Variants in TRPM2 observed in about 807,000 individuals in gnomAD.
TRPM2 encodes the protein estrogen-responsive element-associated gene 1 protein.
In TRPM2, 161 loss-of-function variants were observed where a neutral mutation model predicts 174.0. The ratio of observed to expected loss-of-function variants is 0.93; its 90% confidence interval spans 0.81 to 1.05. The LOEUF (loss-of-function observed/expected upper bound fraction) is 1.05. Ranked by LOEUF, TRPM2 falls within the 50% of genes least tolerant of loss-of-function variation. The pLI is 0.00. For missense variants in TRPM2, 2,057 were observed against 2,038.0 expected (o/e 1.01, Z -0.18); for synonymous variants, 954 against 861.3 (o/e 1.11, Z -1.88).
chr21:44,427,059 A>T lies in TRPM2; in HGVS notation c.3922A>T (p.Arg1308Trp). ...TIQYNVVDGL[R>W]DRRSFHGPYT... ...CCAGTACAACGTGGTGGATGGCCTG[A>T]GGGACCGCCGGAGCTTCCACGGGCC... Residue 1308 changes from arginine to tryptophan, a missense_variant, in exon 27 of 32, where the codon AGG (arginine) becomes TGG (tryptophan). Physicochemically the swap from Arg to Trp is moderately radical, Grantham distance 101. Transcript: ENST00000397928. 1.9e-6 allele frequency: 3 copies of T among 1,607,774 alleles called. No homozygotes were observed. The highest frequency in any genetic ancestry group is 2.5e-6 in the Non-Finnish European group (3 of 1,177,970).
Position 44,395,559 on chromosome 21 carries a change from G to C in TRPM2, c.1932+8G>C, listed in dbSNP as rs2049322863. Reference sequence around the variant, plus strand: ...GGAATCATCTGGGCTCAGGTAATAAGACTGGCTTCTCAGTCTCAGCAGACA... The same window carrying C: ...GGAATCATCTGGGCTCAGGTAATAACACTGGCTTCTCAGTCTCAGCAGACA... On this transcript the variant is annotated splice_region_variant and intron_variant, in intron 12 of 31. Coordinates refer to ENST00000397928, the MANE Select transcript of TRPM2 (RefSeq NM_003307.4). The C allele has an allele frequency of 1.2e-6, 2 of 1,612,600 alleles. No homozygotes were observed. Among genetic ancestry groups the C allele is most frequent in the Non-Finnish European group, 1.7e-6 (2 of 1,179,922 alleles).
rs2047977843 is a variant in TRPM2 at position 44,353,807 on chromosome 21, G to T, written c.107G>T (p.Ser36Ile). The change falls in exon 1 of 32, where the codon AGC becomes ATC. Residue 36 changes from serine (S) to isoleucine (I), a missense_variant. By Grantham distance (142) the Ser-to-Ile change is moderately radical (BLOSUM62 -2). Transcript: ENST00000397928. ...GGGATGGTCTCCAATCTCCGGCGCA[G>T]CAACAGCAGCCTCTTCAAGAGCTGG... ...DLGMVSNLRR[S>I]NSSLFKSWRL... The T allele has an allele frequency of 5.0e-6, 8 of 1,600,810 alleles. No homozygotes were observed. Among genetic ancestry groups the T allele is most frequent in the Non-Finnish European group, 6.0e-6 (7 of 1,174,470 alleles).
chr21:44,389,472 C>T (rs1007394737), intron 9 of TRPM2, among the ~76,000 whole-genome samples: 5 of 152,146 alleles, frequency 3.3e-5, no homozygotes, highest in African/African-American at 1.2e-4. Context: ...AAAAAACTGA[C>T]AAACTTTTCT....
intron 2 of TRPM2, among the ~76,000 whole-genome samples, chr21:44,358,813 G>T (rs754966677): frequency 6.9e-4 from 105 of 152,158 alleles, no homozygotes; most frequent in Non-Finnish European, 1.3e-3. Context: ...CGGGGGTCTT[G>T]GTCTCGCTGA....
chr21:44,423,574 T>A, intron 22 of TRPM2, 71 bp from the exon 23 acceptor site: 1 of 1,344,196 alleles, frequency 7.4e-7, no homozygotes, highest in Non-Finnish European at 1.0e-6. Flanking sequence ...CAGGGCTGTC[T>A]GCAGAGCGGT....
intron 30 of TRPM2, 27 bp from the exon 31 acceptor site, chr21:44,440,762 C>A (rs758256345): frequency 6.2e-7 from 1 of 1,603,028 alleles, no homozygotes; most frequent in South Asian, 1.1e-5. Flanking sequence ...CCCTCGCTGT[C>A]GGGCTTACCC....
chr21:44,426,576 C>A, intron 25 of TRPM2, 84 bp from the exon 26 acceptor site: 2 of 1,428,722 alleles, frequency 1.4e-6, no homozygotes, highest in Non-Finnish European at 2.0e-6. Context: ...TCAGACCCAG[C>A]TGAGCAGCCC....
intron 17 of TRPM2, 70 bp from the exon 18 acceptor site, chr21:44,405,835 G>A (rs1335444472): frequency 1.0e-5 from 16 of 1,556,312 alleles, no homozygotes; most frequent in African/African-American, 1.3e-5. Flanking sequence ...GTGGAGGGGC[G>A]ACGGGGGACA....
At chr21:44,437,314 T>G (rs1296054976) in intron 29 of TRPM2, 147 bp downstream of exon 29, 1 of 668,110 alleles carries the variant, frequency 1.5e-6, no homozygotes, top group Non-Finnish European at 2.6e-6. Flanking sequence ...CCGCCTGTTT[T>G]GTCTGTAGAA....
At chr21:44,403,708 T>C (rs1297892362) in intron 16 of TRPM2, among the ~76,000 whole-genome samples, 3 of 145,996 alleles carry the variant, frequency 2.1e-5, no homozygotes, top group Non-Finnish European at 3.0e-5. Context: ...TACACATGCA[T>C]ACACACATAT....
intron 19 of TRPM2, among the ~76,000 whole-genome samples, chr21:44,409,870 CGTAGA>C (rs2050039380): frequency 7.7e-6 from 1 of 129,112 alleles, no homozygotes; most frequent in Non-Finnish European, 1.6e-5. Context: ...ACTGTCTTGG[CGTAGA>C]CTTGTAGTAA....
At position 44,437,163 on chromosome 21, in the gene TRPM2, CT is replaced by C; in HGVS notation, c.4164del (p.Gly1390AlafsTer13). On this transcript the variant is annotated frameshift_variant, in exon 29 of 32. Coordinates refer to ENST00000397928, the MANE Select transcript of TRPM2 (RefSeq NM_003307.4). LOFTEE classifies it high-confidence loss of function. ...CCTCTCTCCGAGCACTGGGCCCTGC[CT>C]GGGGTAAGGCTGCCGCGTGTGGGAC... Reference protein sequence around the residue: ...KLPLSEHWALPGGSREPGEML... With the variant: ...KLPLSEHWALXGGSREPGEML... 1 of 1,551,136 alleles carries C rather than the reference CT, an allele frequency of 6.4e-7. No homozygotes were observed. Among genetic ancestry groups the C allele is most frequent in the East Asian group, 2.4e-5 (1 of 40,896 alleles).
chr21:44,435,783 C>T (rs1265758698), intron 28 of TRPM2, among the ~76,000 whole-genome samples: 2 of 145,012 alleles, frequency 1.4e-5, no homozygotes, highest in Non-Finnish European at 3.0e-5. Flanking sequence ...GGACACAGCC[C>T]CACACTCACC....
intron 28 of TRPM2, 115 bp downstream of exon 28, chr21:44,435,332 G>A (rs986884798): frequency 2.5e-5 from 28 of 1,110,754 alleles, no homozygotes; most frequent in Non-Finnish European, 3.5e-5. Flanking sequence ...TTGATGCTTG[G>A]CACTTGGTGC....
At position 44,354,266 on chromosome 21, in the gene TRPM2, C is replaced by T. The variant is rs140315615; in HGVS notation, c.166-382C>T. 6.2e-3 allele frequency among the ~76,000 whole-genome samples: 938 copies of T among 152,292 alleles called. 7 individuals are homozygous for T. Among genetic ancestry groups the T allele is most frequent in the Non-Finnish European group, 9.9e-3 (674 of 68,012 alleles). On this transcript the variant is annotated intron_variant, in intron 1 of 31. Coordinates refer to ENST00000397928, the MANE Select transcript of TRPM2 (RefSeq NM_003307.4). This position sits in a 1 kb window ranked among gnomAD's most constrained non-coding sequence, Gnocchi z 4.3. ...TATGTTGAAAGCACATGGCATCTTG[C>T]AGTCCCCTTGCCAGGCAGGCAGGAG...
intron 9 of TRPM2, among the ~76,000 whole-genome samples, chr21:44,386,232 A>G (rs1469403449): frequency 6.6e-6 from 1 of 152,146 alleles, no homozygotes; most frequent in Non-Finnish European, 1.5e-5. Flanking sequence ...AAAAATACAA[A>G]AAATTAGCTG....
At chr21:44,381,950 A>T (rs2048890378) in intron 8 of TRPM2, among the ~76,000 whole-genome samples, 1 of 99,884 alleles carries the variant, frequency 1.0e-5, no homozygotes, top group Non-Finnish European at 2.2e-5. Context: ...TGATAGATAG[A>T]TGGATAGATA....
intron 23 of TRPM2, among the ~76,000 whole-genome samples, chr21:44,424,432 G>C (rs998293254): frequency 6.6e-6 from 1 of 152,238 alleles, no homozygotes; most frequent in Non-Finnish European, 1.5e-5. Context: ...CCCTGTGGGA[G>C]GCGCATCAGC....
chr21:44,359,086 G>A lies in TRPM2; in HGVS notation c.254+4350G>A, dbSNP rs569935045. ...GGTCCATTTTACAGAGCACTGCTTG[G>A]TCCATTTTACAGTGTGCTGATTGGT... On this transcript the variant is annotated intron_variant, in intron 2 of 31. Coordinates refer to ENST00000397928, the MANE Select transcript of TRPM2 (RefSeq NM_003307.4). Among the ~76,000 whole-genome samples the A allele has an allele frequency of 2.2e-4, 33 of 152,266 alleles. No homozygotes were observed. The East Asian group carries it at 6.2e-3, about 29-fold the overall frequency.
Sources: allele counts gnomAD v4.1 joint callset (sites outside exome capture counted in the v4.1 genomes callset), GRCh38; gene constraint gnomAD v4.1.1; non-coding constraint Gnocchi (gnomAD v3.1); transcripts MANE v1.5; gene names NCBI Gene and HGNC (gene_info 2026-07-23, HGNC 2026-07-21).